Variants in LDB2 observed in about 807,000 individuals in gnomAD.
LDB2 encodes LIM domain binding 2.
A neutral mutation model predicts 44.3 loss-of-function variants in LDB2; 12 were observed. The ratio of observed to expected loss-of-function variants is 0.27; its 90% CI spans 0.17 to 0.44. The LOEUF is 0.44. LDB2 is among the 20% of genes least tolerant of loss of function. LDB2 has a pLI of 1.00. For synonymous variants in LDB2, 164 were observed against 174.8 expected, an observed-to-expected ratio of 0.94 and a Z score of 0.49; for missense variants, 344 against 473.5, an observed-to-expected ratio of 0.73 and a Z score of 2.54.
At chr4:16,687,859 C>T (rs1255289657) in intron 2 of LDB2, among the ~76,000 whole-genome samples, 1 of 152,104 alleles carries the variant, frequency 6.6e-6, no homozygotes, top group Non-Finnish European at 1.5e-5. Context: ...TGAAATTAAC[C>T]TTATTCATCA....
chr4:16,670,774 G>C (rs1578645298), intron 2 of LDB2, among the ~76,000 whole-genome samples: 1 of 152,186 alleles, frequency 6.6e-6, no homozygotes, highest in African/African-American at 2.4e-5. Flanking sequence ...TTTTGTGGTG[G>C]TTGAATTAGT....
chr4:16,594,441 A>T (rs955632002), intron 3 of LDB2, among the ~76,000 whole-genome samples: 3 of 152,172 alleles, frequency 2.0e-5, no homozygotes, highest in African/African-American at 7.2e-5. Flanking sequence ...TCTCTGACTG[A>T]CAACTCTCCT....
intron 2 of LDB2, among the ~76,000 whole-genome samples, chr4:16,750,406 G>T (rs546931384): frequency 6.6e-6 from 1 of 152,316 alleles, no homozygotes; most frequent in East Asian, 1.9e-4. Context: ...AACGGTAGAA[G>T]GCCTGCAATG....
rs534487169 is a variant in LDB2 at position 16,579,444 on chromosome 4, C to T, written c.615+6478G>A. 9.2e-5 allele frequency among the ~76,000 whole-genome samples: 14 copies of T among 152,140 alleles called. No individual in the cohort carries two copies. In the East Asian group the frequency reaches 1.2e-3, roughly 13 times the overall value. On this transcript the variant is annotated intron_variant, in intron 5 of 7. Coordinates refer to ENST00000304523, the MANE Select transcript of LDB2 (RefSeq NM_001290.5). ...AATCTGTTTTCAATATTTAGAAGAACGCATTTCCAGTATAATGAAAATACC... is the reference window on the plus strand; with the variant it reads ...AATCTGTTTTCAATATTTAGAAGAATGCATTTCCAGTATAATGAAAATACC...
At chr4:16,679,456 A>G (rs1317714461) in intron 2 of LDB2, among the ~76,000 whole-genome samples, 5 of 152,152 alleles carry the variant, frequency 3.3e-5, no homozygotes, top group African/African-American at 1.2e-4. Context: ...TCCTTTACCT[A>G]TATTAACTCA....
intron 2 of LDB2, among the ~76,000 whole-genome samples, chr4:16,758,890 G>A (rs986856137): frequency 2.6e-5 from 4 of 152,084 alleles, no homozygotes; most frequent in Non-Finnish European, 5.9e-5. Flanking sequence ...CCATCATTCC[G>A]CTCCCACTCA....
At chr4:16,617,382 G>A (rs978055324) in intron 2 of LDB2, among the ~76,000 whole-genome samples, 3 of 152,034 alleles carry the variant, frequency 2.0e-5, no homozygotes, top group African/African-American at 7.2e-5. Flanking sequence ...AGATAAACTC[G>A]AGGCAGACAA....
intron 2 of LDB2, among the ~76,000 whole-genome samples, chr4:16,657,599 T>C (rs1047295415): frequency 6.6e-6 from 1 of 152,156 alleles, no homozygotes; most frequent in African/African-American, 2.4e-5. Flanking sequence ...CTGACCACTG[T>C]TGTCATATCT....
intron 2 of LDB2, among the ~76,000 whole-genome samples, chr4:16,716,694 C>T (rs1379309783): frequency 6.6e-6 from 1 of 152,126 alleles, no homozygotes; most frequent in Non-Finnish European, 1.5e-5. Context: ...TTGGCCTCTT[C>T]TTAAAGCATT....
chr4:16,541,900 A>G (rs551248345), intron 5 of LDB2, among the ~76,000 whole-genome samples: 183 of 152,134 alleles, frequency 1.2e-3, no homozygotes, highest in Non-Finnish European at 2.3e-3. Context: ...TTTTTTTTCT[A>G]GAGGAATGAA....
At chr4:16,769,338 C>T (rs1254547789) in intron 1 of LDB2, among the ~76,000 whole-genome samples, 1 of 151,368 alleles carries the variant, frequency 6.6e-6, no homozygotes, top group East Asian at 1.9e-4. Flanking sequence ...CTCTTGTTGC[C>T]CAGGCTGGAG....
At chr4:16,763,992 C>A (rs1390634535) in intron 1 of LDB2, among the ~76,000 whole-genome samples, 1 of 151,860 alleles carries the variant, frequency 6.6e-6, no homozygotes, top group Non-Finnish European at 1.5e-5. Flanking sequence ...CTCATTTAAC[C>A]CTTAAGATAT....
chr4:16,694,064 C>T (rs913177767), intron 2 of LDB2, among the ~76,000 whole-genome samples: 2 of 152,184 alleles, frequency 1.3e-5, no homozygotes, highest in African/African-American at 4.8e-5. Flanking sequence ...CTGCAACGGA[C>T]CCCTTCTGGG....
At chr4:16,791,659 A>G (rs1775790519) in intron 1 of LDB2, among the ~76,000 whole-genome samples, 1 of 151,872 alleles carries the variant, frequency 6.6e-6, no homozygotes, top group African/African-American at 2.4e-5. Context: ...TTTTTTGACA[A>G]CATCCAGATC....
intron 2 of LDB2, among the ~76,000 whole-genome samples, chr4:16,747,473 T>G (rs115482772): frequency 0.018 from 2,730 of 152,274 alleles, 31 homozygotes; most frequent in Non-Finnish European, 0.026. Context: ...TTAAGTTATT[T>G]TATGCAGGCA....
intron 2 of LDB2, among the ~76,000 whole-genome samples, chr4:16,621,828 G>A (rs1728961978): frequency 1.3e-5 from 2 of 152,138 alleles, no homozygotes; most frequent in African/African-American, 4.8e-5. Flanking sequence ...CAAAGTGCTA[G>A]GATTACAGGT....
intron 1 of LDB2, among the ~76,000 whole-genome samples, chr4:16,761,308 C>T (rs1767864268): frequency 6.6e-6 from 1 of 152,220 alleles, no homozygotes; most frequent in African/African-American, 2.4e-5. Flanking sequence ...GTACAGCAAC[C>T]TGCTACATTT....
chr4:16,580,001 T>G (rs1026939888), intron 5 of LDB2, among the ~76,000 whole-genome samples: 1 of 152,162 alleles, frequency 6.6e-6, no homozygotes, highest in Non-Finnish European at 1.5e-5. Context: ...GTCAGAGAGA[T>G]ATTCTCACAG....
intron 1 of LDB2, among the ~76,000 whole-genome samples, chr4:16,842,665 A>G (rs1786103296): frequency 6.6e-6 from 1 of 152,216 alleles, no homozygotes; most frequent in South Asian, 2.1e-4. Context: ...AGTAGTGGAT[A>G]TTGTTAAGAT....
Sources: allele counts gnomAD v4.1 joint callset (sites outside exome capture counted in the v4.1 genomes callset), GRCh38; gene constraint gnomAD v4.1.1; transcripts MANE v1.5; gene names NCBI Gene and HGNC (gene_info 2026-07-23, HGNC 2026-07-21).